ATRX: variants seen among roughly 807,000 people sequenced by gnomAD.
ATRX encodes the protein ATRX chromatin remodeler, also known as chromatin remodeler ATRX.
A neutral mutation model predicts 172.6 loss-of-function variants in ATRX; 12 were observed. That is an observed-to-expected ratio of 0.07 (90% CI 0.04 to 0.11). The LOEUF is 0.11. Among genes scored for constraint, ATRX ranks in the 10% least tolerant of loss-of-function variants. The probability of loss-of-function intolerance (pLI) is 1.00; values close to 1 mark genes in which losing one functional copy is unlikely to be tolerated. For missense variants in ATRX, 1,368 were observed against 1,767.4 expected (o/e 0.77, Z 4.05); for synonymous variants, 674 against 594.7 (o/e 1.13, Z -1.94).
At chrX:77,668,195 T>C (rs1363663988) in intron 10 of ATRX, among the ~76,000 whole-genome samples, 1 of 110,858 alleles carries the variant, frequency 9.0e-6, no homozygotes, top group Non-Finnish European at 1.9e-5. Flanking sequence ...GTGAGATGTG[T>C]CCCATCTACA....
chrX:77,563,699 A>ATGTG (rs1569523801), intron 28 of ATRX, among the ~76,000 whole-genome samples: 3 of 63,887 alleles, frequency 4.7e-5, no homozygotes, highest in Non-Finnish European at 9.9e-5. Flanking sequence ...TTGTGTGTAC[A>ATGTG]TGCGTGTGTG....
chrX:77,652,341 C>T lies in ATRX; in HGVS notation c.4330G>A (p.Glu1444Lys), dbSNP rs2148440496. Residue 1444 changes from glutamate to lysine, a missense_variant, in exon 15 of 35, where the codon GAA (glutamate) becomes AAA (lysine). Glu to Lys is a moderately conservative substitution (Grantham distance 56). This residue lies in a region of ATRX where 119 missense variants were observed against 131.3 expected (regional missense o/e 0.91). Transcript: ENST00000373344. Reference sequence around the variant, plus strand: ...TCCTCTTCTTTTTCCTCCTCTTCTTCCTCAGAATTACTCTACAGAATTTAA... The same window carrying T: ...TCCTCTTCTTTTTCCTCCTCTTCTTTCTCAGAATTACTCTACAGAATTTAA... ...SSSENKSNSE[E>K]EEEEKEEEEE... 8.3e-7 allele frequency: 1 copy of T among 1,204,517 alleles called. No homozygotes were observed. Among genetic ancestry groups the T allele is most frequent in the Non-Finnish European group, 1.1e-6 (1 of 891,888 alleles).
At chrX:77,587,340 T>A (rs887567375) in intron 27 of ATRX, among the ~76,000 whole-genome samples, 1 of 110,873 alleles carries the variant, frequency 9.0e-6, no homozygotes, top group Non-Finnish European at 1.9e-5. Context: ...AGTAATACAC[T>A]ATGTTAATAG....
At chrX:77,668,771 A>G (rs782067666) in intron 10 of ATRX, among the ~76,000 whole-genome samples, 2 of 110,652 alleles carry the variant, frequency 1.8e-5, no homozygotes, top group Non-Finnish European at 3.8e-5. Context: ...CACCATTACT[A>G]AAAGAAAGCA....
chrX:77,523,181 C>T, intron 31 of ATRX, 71 bp downstream of exon 31: 1 of 1,133,487 alleles, frequency 8.8e-7, no homozygotes, highest in Admixed American at 2.2e-5. Context: ...TCAAATGTGA[C>T]CCTTTTCTTC....
chrX:77,774,519 T>C (rs1321308351), intron 1 of ATRX, among the ~76,000 whole-genome samples: 1 of 109,906 alleles, frequency 9.1e-6, no homozygotes, highest in Non-Finnish European at 1.9e-5. Flanking sequence ...CGACTAAAAA[T>C]ACAAAAAATT....
Position 77,505,391 on chromosome X carries a change from G to C in ATRX, c.*2960C>G, listed in dbSNP as rs2062688881. ...GTAAGCAGCTTTTCTATCAAGTGTG[G>C]GTTGGTAGCCCTGCTTGACTTAAAA... On this transcript the variant is annotated 3_prime_UTR_variant, in exon 35 of 35. Transcript: ENST00000373344. 1 of 172,492 alleles carries C rather than the reference G, an allele frequency of 5.8e-6. No homozygotes were observed. The highest frequency in any genetic ancestry group is 1.1e-5 in the Non-Finnish European group (1 of 90,665). 14.2% of individuals were successfully genotyped at this position (172,492 alleles called of 1,213,427 possible).
intron 1 of ATRX, among the ~76,000 whole-genome samples, chrX:77,767,153 G>A (rs1392341388): frequency 1.8e-5 from 2 of 110,402 alleles, no homozygotes; most frequent in Non-Finnish European, 3.8e-5. Context: ...AGGTTGCAGT[G>A]AGCCGAGATG....
chrX:77,746,805 A>C (rs1258310551), intron 1 of ATRX, among the ~76,000 whole-genome samples: 1 of 111,045 alleles, frequency 9.0e-6, no homozygotes, highest in Non-Finnish European at 1.9e-5. Flanking sequence ...TTTTTTGAAA[A>C]ACCCTTTTTT....
intron 19 of ATRX, among the ~76,000 whole-genome samples, chrX:77,629,076 T>C (rs2067997228): frequency 8.9e-6 from 1 of 112,567 alleles, no homozygotes; most frequent in East Asian, 2.8e-4. Flanking sequence ...TCTGATCTAA[T>C]AGCCTACCTT....
chrX:77,617,864 G>A (rs1178769856), intron 21 of ATRX, among the ~76,000 whole-genome samples: 1 of 109,615 alleles, frequency 9.1e-6, no homozygotes. Flanking sequence ...CTATAGGTGC[G>A]CACCACCGTG....
chrX:77,681,766 C>G lies in ATRX; in HGVS notation c.3490G>C (p.Asp1164His), dbSNP rs781923763. 1.7e-6 allele frequency: 2 copies of G among 1,199,559 alleles called. No homozygotes were observed. The highest frequency in any genetic ancestry group is 3.7e-5 in the South Asian group (2 of 53,612). The stretch of plus-strand genomic sequence containing the variant: ...GTTCTTTGCTTCTTCTTTTTATTAT[C>G]TTCAGAACTTTCCTCAGCATCAGAT... Reference protein sequence around the residue: ...SSSDAEESSEDNKKKKQRTSS... With the variant: ...SSSDAEESSEHNKKKKQRTSS... The change falls in exon 9 of 35, where the codon GAT (aspartate) becomes CAT (histidine). Residue 1164 changes from aspartate (D) to histidine (H), a missense_variant. Asp to His is a moderately conservative substitution (Grantham distance 81). This residue lies in a region of ATRX where 843 missense variants were observed against 643.1 expected (regional missense o/e 1.31). Coordinates refer to ENST00000373344, the MANE Select transcript of ATRX (RefSeq NM_000489.6).
At chrX:77,531,012 G>A (rs2412339) in intron 30 of ATRX, among the ~76,000 whole-genome samples, 7 of 111,920 alleles carry the variant, frequency 6.3e-5, no homozygotes, top group East Asian at 5.6e-4. Context: ...ATACCTCTGC[G>A]CATATAAACT....
intron 1 of ATRX, among the ~76,000 whole-genome samples, chrX:77,756,667 C>T (rs2075510255): frequency 9.0e-6 from 1 of 111,015 alleles, no homozygotes; most frequent in African/African-American, 3.3e-5. Flanking sequence ...GGGCTGCACC[C>T]ACTGCCTAAC....
chrX:77,585,894 C>G (rs1280085544), intron 27 of ATRX, among the ~76,000 whole-genome samples: 3 of 110,802 alleles, frequency 2.7e-5, no homozygotes, highest in African/African-American at 9.8e-5. Context: ...CAGAGAAAGA[C>G]AAACTTTGCA....
At chrX:77,685,762 T>C (rs1557143508) in intron 7 of ATRX, among the ~76,000 whole-genome samples, 1 of 111,962 alleles carries the variant, frequency 8.9e-6, no homozygotes. Flanking sequence ...GGCCACTGTT[T>C]ACAATAGCAA....
intron 15 of ATRX, among the ~76,000 whole-genome samples, chrX:77,648,810 G>A (rs1260551872): frequency 1.8e-5 from 2 of 110,910 alleles, no homozygotes; most frequent in African/African-American, 6.6e-5. Context: ...AATTCCTTAA[G>A]TTTGAAATTT....
In ATRX at chrX:77,599,516, CATT is replaced by C. The variant is rs1557085849; in HGVS notation, c.5848_5850del (p.Asn1950del). 4 of 1,210,711 alleles carry C rather than the reference CATT, an allele frequency of 3.3e-6. No homozygotes were observed. Among genetic ancestry groups the C allele is most frequent in the East Asian group, 3.0e-5 (1 of 33,783 alleles). On this transcript the variant is annotated inframe_deletion, in exon 25 of 35. Coordinates refer to ENST00000373344, the MANE Select transcript of ATRX (RefSeq NM_000489.6). The stretch of plus-strand genomic sequence containing the variant: ...TTCCAGACCTTAATCACTTCAACAT[CATT>C]GTCACTGCCACTTCCACTTGAGCTA...
chrX:77,508,815 T>C (rs951282355), intron 34 of ATRX, among the ~76,000 whole-genome samples, 186 bp from the exon 35 acceptor site: 3 of 112,231 alleles, frequency 2.7e-5, no homozygotes, highest in Non-Finnish European at 5.6e-5. Context: ...AGTAAGATCA[T>C]TTAGGGCTAA....
Sources: allele counts gnomAD v4.1 joint callset (sites outside exome capture counted in the v4.1 genomes callset), GRCh38; gene constraint gnomAD v4.1.1; regional missense constraint gnomAD v4.1.1; transcripts MANE v1.5; gene names NCBI Gene and HGNC (gene_info 2026-07-23, HGNC 2026-07-21).